Variants in GLIS3 observed in about 807,000 individuals in gnomAD.
GLIS3 encodes GLIS family zinc finger 3.
Under a neutral mutation model 78.6 loss-of-function variants are expected in GLIS3, and 53 were observed. That is an observed-to-expected ratio of 0.67 (90% CI 0.54 to 0.85). GLIS3 has a LOEUF of 0.85. GLIS3 is among the 40% of genes least tolerant of loss of function. The pLI, the probability that GLIS3 is intolerant of heterozygous loss-of-function variation, is 0.00. For missense variants in GLIS3, 1,703 were observed against 1,231.1 expected, an observed-to-expected ratio of 1.38 and a Z score of -5.74; for synonymous variants, 684 against 509.9, an observed-to-expected ratio of 1.34 and a Z score of -4.60.
In GLIS3 at chr9:4,083,308, C is replaced by A. The variant is rs148971606; in HGVS notation, c.1710+34460G>T. On this transcript the variant is annotated intron_variant, in intron 4 of 10. Transcript: ENST00000381971. Reference sequence around the variant, plus strand: ...ACTACTCCTCATCATTGCACCAAAGCAGACATCACTAATCAATACCCTACT... The same window carrying A: ...ACTACTCCTCATCATTGCACCAAAGAAGACATCACTAATCAATACCCTACT... Among the ~76,000 whole-genome samples the A allele has an allele frequency of 5.5e-4, 84 of 152,218 alleles. 1 individual carries two copies. The East Asian group carries it at 0.014, about 25-fold the overall frequency.
chr9:4,317,923 G>C (rs970627260), intron 2 of GLIS3, among the ~76,000 whole-genome samples: 1 of 152,208 alleles, frequency 6.6e-6, no homozygotes, highest in African/African-American at 2.4e-5. Flanking sequence ...CAAGGGAATT[G>C]TTCCTTGTAT....
Position 4,336,913 on chromosome 9 carries a change from T to A in GLIS3, n.264+10168A>T, listed in dbSNP as rs570666004. ...TCATATATTCTGATAAGGAAGACAC[T>A]AACTCACTAAATTCCAAGAGAAAAA... On this transcript the variant is annotated intron_variant and non_coding_transcript_variant, in intron 2 of 4. Transcript: ENST00000471664. Among the ~76,000 whole-genome samples, 271 of 152,324 alleles carry A rather than the reference T, an allele frequency of 1.8e-3. 2 individuals carry two copies. The highest frequency in any genetic ancestry group is 6.3e-3 in the African/African-American group (261 of 41,572).
Position 3,855,992 on chromosome 9 carries a change from G to A in GLIS3, c.2473+17C>T. On this transcript the variant is annotated intron_variant, in intron 9 of 10. Transcript: ENST00000381971. ...GTCACTTTTCAAAACTCAAGGGACT[G>A]CCAGCTTCTTGCTTACCATGGACAT... is the stretch of plus-strand genomic sequence containing the variant. 1 of 1,613,798 alleles carries A rather than the reference G, an allele frequency of 6.2e-7. No individual in the cohort carries two copies. Among genetic ancestry groups the A allele is most frequent in the Non-Finnish European group, 8.5e-7 (1 of 1,179,708 alleles).
At chr9:4,197,343 C>G (rs936783334) in intron 2 of GLIS3, among the ~76,000 whole-genome samples, 10 of 152,184 alleles carry the variant, frequency 6.6e-5, no homozygotes. Flanking sequence ...CTAAACTGCC[C>G]TACCCTCCTT....
At chr9:3,846,697 A>T (rs1356675867) in intron 9 of GLIS3, among the ~76,000 whole-genome samples, 2 of 152,212 alleles carry the variant, frequency 1.3e-5, no homozygotes, top group African/African-American at 4.8e-5. Context: ...CCTCTTCCAC[A>T]GGGCTGCCAT....
chr9:4,205,705 G>A (rs746220855), intron 2 of GLIS3, among the ~76,000 whole-genome samples: 1 of 152,162 alleles, frequency 6.6e-6, no homozygotes, highest in Non-Finnish European at 1.5e-5. Flanking sequence ...CCCACTTTAG[G>A]ATTTTTCAGT....
the GLIS3 span, among the ~76,000 whole-genome samples, chr9:4,399,489 C>G: frequency 6.6e-6 from 1 of 152,218 alleles, no homozygotes; most frequent in Non-Finnish European, 1.5e-5. Flanking sequence ...CCCAAGGTCT[C>G]ATAGCTGGCC....
At chr9:4,032,939 C>T (rs1031957304) in intron 4 of GLIS3, among the ~76,000 whole-genome samples, 14 of 152,164 alleles carry the variant, frequency 9.2e-5, no homozygotes, top group Admixed American at 2.6e-4. Context: ...CTGCAAGCTC[C>T]GCCTCCCGGG....
At chr9:4,095,785 G>A (rs879707937) in intron 4 of GLIS3, among the ~76,000 whole-genome samples, 3 of 152,158 alleles carry the variant, frequency 2.0e-5, no homozygotes, top group African/African-American at 7.2e-5. Flanking sequence ...CTTACTAATT[G>A]TCTGCCATTG....
At chr9:4,376,383 T>C in the GLIS3 span, among the ~76,000 whole-genome samples, 15 of 152,288 alleles carry the variant, frequency 9.8e-5, no homozygotes, top group African/African-American at 3.1e-4. Context: ...GAAAAAACAA[T>C]GGAAGACATT....
chr9:4,335,715 C>G (rs189134131), intron 2 of GLIS3, among the ~76,000 whole-genome samples: 1 of 152,120 alleles, frequency 6.6e-6, no homozygotes, highest in Non-Finnish European at 1.5e-5. Flanking sequence ...CTATTTAGAC[C>G]TCTCTTAGAG....
At chr9:4,230,495 T>C (rs1822160359) in intron 2 of GLIS3, among the ~76,000 whole-genome samples, 1 of 152,126 alleles carries the variant, frequency 6.6e-6, no homozygotes, top group African/African-American at 2.4e-5. Context: ...TAGAAAATGA[T>C]GGAGGACCTA....
chr9:4,145,751 T>TA (rs1834177190), intron 2 of GLIS3, among the ~76,000 whole-genome samples: 1 of 150,596 alleles, frequency 6.6e-6, no homozygotes, highest in Non-Finnish European at 1.5e-5. Flanking sequence ...TTGTTCCCCC[T>TA]CCCTCCCTCA....
At chr9:4,429,287 T>C in the GLIS3 span, among the ~76,000 whole-genome samples, 615 of 152,236 alleles carry the variant, frequency 4.0e-3, 3 homozygotes, top group African/African-American at 0.014. Context: ...GCAATGCCAT[T>C]TGGCCCCTAC....
chr9:4,009,724 C>T (rs545149082), intron 4 of GLIS3, among the ~76,000 whole-genome samples: 2 of 152,314 alleles, frequency 1.3e-5, no homozygotes, highest in Admixed American at 6.5e-5. Flanking sequence ...ACCACCAGAG[C>T]GGTGGGCTGA....
chr9:3,833,790 T>C (rs1354163527), intron 9 of GLIS3, among the ~76,000 whole-genome samples: 1 of 152,204 alleles, frequency 6.6e-6, no homozygotes, highest in African/African-American at 2.4e-5. Flanking sequence ...TTAAAAGTTA[T>C]TTTGCCTTCA....
chr9:4,332,853 C>G (rs1295052057), intron 2 of GLIS3, among the ~76,000 whole-genome samples: 1 of 152,154 alleles, frequency 6.6e-6, no homozygotes, highest in Non-Finnish European at 1.5e-5. Flanking sequence ...TATTCTGAAC[C>G]TTATACATGA....
intron 4 of GLIS3, among the ~76,000 whole-genome samples, chr9:3,976,925 C>G (rs1438440356): frequency 7.2e-6 from 1 of 138,924 alleles, no homozygotes; most frequent in African/African-American, 2.7e-5. Context: ...TTTGAGAGAA[C>G]TTGTTTAATC....
intron 4 of GLIS3, among the ~76,000 whole-genome samples, chr9:3,940,987 G>A (rs1467982924): frequency 6.6e-6 from 1 of 152,152 alleles, no homozygotes; most frequent in Non-Finnish European, 1.5e-5. Context: ...GGCATCGCCT[G>A]GGAACTTGTC....
Sources: gnomAD v4.1 joint callset for allele counts (sites outside exome capture counted in the v4.1 genomes callset) on GRCh38, gnomAD v4.1.1 for gene constraint, MANE v1.5 for transcripts, NCBI Gene and HGNC (gene_info 2026-07-23, HGNC 2026-07-21) for gene names.